RAD54L2: variants seen among roughly 807,000 people sequenced by gnomAD.
RAD54L2 encodes RAD54 like 2, also known as helicase ARIP4.
Under a neutral mutation model 138.4 loss-of-function variants are expected in RAD54L2, and 27 were observed. The observed-to-expected ratio is 0.20, with a 90% confidence interval of 0.14 to 0.27. The LOEUF (loss-of-function observed/expected upper bound fraction) is 0.27. RAD54L2 is among the 10% of genes least tolerant of loss of function. RAD54L2 has a pLI of 1.00. For missense variants in RAD54L2, 1,396 were observed against 1,890.2 expected, an observed-to-expected ratio of 0.74 and a Z score of 4.85; for synonymous variants, 644 against 723.2, an observed-to-expected ratio of 0.89 and a Z score of 1.76.
At chr3:51,542,148 C>T (rs1341380722) in intron 2 of RAD54L2, among the ~76,000 whole-genome samples, 1 of 152,144 alleles carries the variant, frequency 6.6e-6, no homozygotes, top group Non-Finnish European at 1.5e-5. Flanking sequence ...AGCTGTTAAC[C>T]TCTCTGAGCT....
chr3:51,566,891 G>A (rs529638070), intron 2 of RAD54L2, among the ~76,000 whole-genome samples: 2 of 152,204 alleles, frequency 1.3e-5, no homozygotes, highest in African/African-American at 4.8e-5. Context: ...ACTGATTTGA[G>A]GGCTGACTGA....
intron 22 of RAD54L2, among the ~76,000 whole-genome samples, chr3:51,660,789 CTT>C (rs1701746934): frequency 6.8e-6 from 1 of 148,088 alleles, no homozygotes. Context: ...GCCCAGCTAA[CTT>C]TTGTATTTTT....
Position 51,662,774 on chromosome 3 carries a change from G to C in RAD54L2, c.3758G>C (p.Gly1253Ala). 1 of 1,611,120 alleles carries C rather than the reference G, an allele frequency of 6.2e-7. No homozygotes were observed. The change falls in exon 23 of 23, where the codon GGC becomes GCC. Residue 1253 changes from glycine to alanine, a missense_variant. By Grantham distance (60) the Gly-to-Ala change is moderately conservative (BLOSUM62 0). Coordinates refer to ENST00000684192, the MANE Select transcript of RAD54L2 (RefSeq NM_015106.4). The surrounding 1 kb of genome is among the most constrained non-coding windows in gnomAD (Gnocchi z 4.6). ...GDRHPVLDLRGHKRKLATPPA... is the reference protein window; with the variant it reads ...GDRHPVLDLRAHKRKLATPPA... The stretch of plus-strand genomic sequence containing the variant: ...AGGCACCCAGTGCTGGACTTAAGGG[G>C]CCACAAGCGAAAGTTGGCCACACCA...
intron 3 of RAD54L2, among the ~76,000 whole-genome samples, chr3:51,624,060 GTTA>G (rs1294553414): frequency 6.6e-5 from 10 of 151,398 alleles, no homozygotes; most frequent in African/African-American, 2.4e-4. Flanking sequence ...GTCTCGTAGA[GTTA>G]TTATAAGGGA....
At chr3:51,653,257 T>C (rs867523055) in intron 19 of RAD54L2, among the ~76,000 whole-genome samples, 9 of 151,988 alleles carry the variant, frequency 5.9e-5, no homozygotes, top group Admixed American at 2.0e-4. Context: ...GTTAGAATGG[T>C]GATCATTAAA....
At chr3:51,641,248 C>G (rs964447820) in intron 14 of RAD54L2, among the ~76,000 whole-genome samples, 2 of 151,964 alleles carry the variant, frequency 1.3e-5, no homozygotes, top group African/African-American at 4.8e-5. Context: ...TCAGGTGATC[C>G]GCCCGCCTCG....
intron 3 of RAD54L2, among the ~76,000 whole-genome samples, chr3:51,620,584 T>C (rs748784176): frequency 6.6e-6 from 1 of 151,970 alleles, no homozygotes; most frequent in Non-Finnish European, 1.5e-5. Flanking sequence ...TGTACCTTCA[T>C]TGAATGTAAC....
chr3:51,608,423 G>T (rs934146582), intron 3 of RAD54L2, among the ~76,000 whole-genome samples: 1 of 152,148 alleles, frequency 6.6e-6, no homozygotes, highest in African/African-American at 2.4e-5. Flanking sequence ...CCTAGACGGG[G>T]TGGCGGCCGG....
intron 2 of RAD54L2, among the ~76,000 whole-genome samples, chr3:51,560,086 TG>T (rs1212754663): frequency 2.2e-4 from 33 of 152,156 alleles, no homozygotes; most frequent in African/African-American, 6.8e-4. Context: ...AGTTAAGTGG[TG>T]CTGTTAAACC....
At chr3:51,613,244 T>G (rs1700372269) in intron 3 of RAD54L2, among the ~76,000 whole-genome samples, 1 of 151,982 alleles carries the variant, frequency 6.6e-6, no homozygotes, top group Non-Finnish European at 1.5e-5. Flanking sequence ...GCCCCACGCA[T>G]GTGGTTTCAT....
At chr3:51,580,716 C>G (rs1321301577) in intron 2 of RAD54L2, among the ~76,000 whole-genome samples, 11 of 152,116 alleles carry the variant, frequency 7.2e-5, no homozygotes, top group Admixed American at 7.2e-4. Flanking sequence ...TATATTTTGT[C>G]TTATACACAA....
intron 2 of RAD54L2, among the ~76,000 whole-genome samples, chr3:51,564,251 G>A (rs1163514496): frequency 6.6e-6 from 1 of 152,116 alleles, no homozygotes; most frequent in Non-Finnish European, 1.5e-5. Context: ...CTTCACTTTG[G>A]GCCACAGAAT....
chr3:51,593,075 A>G (rs1430899493), intron 3 of RAD54L2, among the ~76,000 whole-genome samples: 2 of 152,060 alleles, frequency 1.3e-5, no homozygotes, highest in Non-Finnish European at 1.5e-5. Flanking sequence ...TTCTTAGAGC[A>G]GTGGTTCTCA....
chr3:51,646,625 A>G (rs1454104096), intron 19 of RAD54L2, 144 bp downstream of exon 19: 2 of 903,392 alleles, frequency 2.2e-6, no homozygotes, highest in African/African-American at 3.4e-5. Flanking sequence ...TAGGTGTGAA[A>G]GCAGTTCAGT....
chr3:51,636,570 G>T (rs1700987108), intron 10 of RAD54L2, among the ~76,000 whole-genome samples: 1 of 152,166 alleles, frequency 6.6e-6, no homozygotes, highest in Non-Finnish European at 1.5e-5. Flanking sequence ...ACTCTGTAAG[G>T]TCCCTCTCTC....
chr3:51,623,022 G>A (rs957331879), intron 3 of RAD54L2, among the ~76,000 whole-genome samples: 8 of 152,232 alleles, frequency 5.3e-5, no homozygotes, highest in East Asian at 1.9e-4. Flanking sequence ...TATAGCATAT[G>A]TGTTTCCCCA....
intron 6 of RAD54L2, 39 bp downstream of exon 6, chr3:51,630,427 GT>G: frequency 6.4e-7 from 1 of 1,553,824 alleles, no homozygotes; most frequent in Non-Finnish European, 8.9e-7. Flanking sequence ...TTCCGACCTG[GT>G]GTTCATGCTG....
intron 2 of RAD54L2, among the ~76,000 whole-genome samples, chr3:51,569,472 C>T (rs1476070360): frequency 6.6e-6 from 1 of 152,028 alleles, no homozygotes; most frequent in Non-Finnish European, 1.5e-5. Context: ...CAGCCTCCAC[C>T]TCCCAGGTTC....
rs1033119956 is a variant in RAD54L2, at chr3:51,664,555, G to C, written c.*1135G>C. 2 of 152,076 alleles carry C rather than the reference G, an allele frequency of 1.3e-5. No homozygotes were observed. The highest frequency in any genetic ancestry group is 4.8e-5 in the African/African-American group (2 of 41,374). 9.4% of individuals were successfully genotyped at this position (152,076 alleles called of 1,614,324 possible). A position where few individuals can be genotyped will look rare whatever the true frequency, so the allele number is the denominator to read the frequency against. On this transcript the variant is annotated 3_prime_UTR_variant, in exon 23 of 23. Coordinates refer to ENST00000684192, the MANE Select transcript of RAD54L2 (RefSeq NM_015106.4). ...ATGTGTCTTGTTTATTTGGGGGTGG[G>C]GGGAGGTTAGGGGTAAGGAGGGTAG...
Sources: allele counts gnomAD v4.1 joint callset (sites outside exome capture counted in the v4.1 genomes callset), GRCh38; gene constraint gnomAD v4.1.1; non-coding constraint Gnocchi (gnomAD v3.1); transcripts MANE v1.5; gene names NCBI Gene and HGNC (gene_info 2026-07-23, HGNC 2026-07-21).